Variants in NCKAP5 observed in about 807,000 individuals in gnomAD.
NCKAP5 encodes NCK associated protein 5.
NCKAP5 carries 92 observed loss-of-function variants against 167.0 expected under a neutral mutation model. The observed-to-expected ratio is 0.55, with a 90% CI of 0.47 to 0.66. NCKAP5 has a LOEUF of 0.66. Ranked by LOEUF, NCKAP5 falls within the 30% of genes least tolerant of loss-of-function variation. The pLI, the probability that NCKAP5 is intolerant of heterozygous loss-of-function variation, is 0.00. For missense variants in NCKAP5, 2,378 were observed against 2,315.0 expected, an observed-to-expected ratio of 1.03 and a Z score of -0.56; for synonymous variants, 891 against 877.4, an observed-to-expected ratio of 1.02 and a Z score of -0.27.
intron 3 of NCKAP5, among the ~76,000 whole-genome samples, chr2:133,360,461 A>C (rs1018341944): frequency 6.6e-6 from 1 of 152,198 alleles, no homozygotes; most frequent in South Asian, 2.1e-4. Context: ...ACAGGAACAG[A>C]GATAGCAAGT....
intron 8 of NCKAP5, among the ~76,000 whole-genome samples, chr2:132,962,076 A>C (rs2076529506): frequency 6.6e-6 from 1 of 152,082 alleles, no homozygotes; most frequent in South Asian, 2.1e-4. Context: ...TTTAGTTGAT[A>C]TTTGTTCTGC....
At chr2:133,531,176 G>A (rs1233864026) in intron 2 of NCKAP5, among the ~76,000 whole-genome samples, 1 of 151,466 alleles carries the variant, frequency 6.6e-6, no homozygotes, top group Non-Finnish European at 1.5e-5. Flanking sequence ...GAATGAGGAA[G>A]GAAGGAAGGA....
chr2:133,051,450 T>C (rs1306785640), intron 6 of NCKAP5, among the ~76,000 whole-genome samples: 2 of 152,190 alleles, frequency 1.3e-5, no homozygotes, highest in African/African-American at 2.4e-5. Context: ...TTGAGCAACA[T>C]GAAAGGAACG....
At chr2:133,632,900 T>G in the NCKAP5 span, among the ~76,000 whole-genome samples, 2 of 152,116 alleles carry the variant, frequency 1.3e-5, no homozygotes, top group Non-Finnish European at 2.9e-5. Context: ...TTTCACCCAT[T>G]TAGGTCCCTT....
At chr2:133,296,335 T>C (rs780297701) in intron 4 of NCKAP5, among the ~76,000 whole-genome samples, 16 of 151,028 alleles carry the variant, frequency 1.1e-4, no homozygotes, top group African/African-American at 3.9e-4. Flanking sequence ...CCCCATTCTC[T>C]AACATCCCCA....
At chr2:133,047,896 T>A (rs1452371020) in intron 6 of NCKAP5, among the ~76,000 whole-genome samples, 1 of 152,192 alleles carries the variant, frequency 6.6e-6, no homozygotes, top group African/African-American at 2.4e-5. Context: ...GTTGCATATA[T>A]AAAATGAAGC....
chr2:133,279,603 A>G (rs970809408), intron 4 of NCKAP5, among the ~76,000 whole-genome samples: 2 of 152,224 alleles, frequency 1.3e-5, no homozygotes, highest in South Asian at 2.1e-4. Flanking sequence ...AATTAGATTT[A>G]TTTAATAATT....
chr2:133,297,841 AT>A (rs1680076854), intron 4 of NCKAP5, among the ~76,000 whole-genome samples: 2 of 152,182 alleles, frequency 1.3e-5, no homozygotes, highest in African/African-American at 4.8e-5. Context: ...GCAATGACAA[AT>A]AGCCCACTCC....
At chr2:133,269,037 A>C (rs2089387146) in intron 4 of NCKAP5, 1 of 152,166 alleles carries the variant, frequency 6.6e-6, no homozygotes, top group South Asian at 2.1e-4. Flanking sequence ...CTGCACAAGA[A>C]ATTGGTAAGT....
chr2:132,746,236 C>T (rs572734912), intron 16 of NCKAP5, among the ~76,000 whole-genome samples: 3 of 151,948 alleles, frequency 2.0e-5, no homozygotes, highest in South Asian at 2.1e-4. Context: ...ACAGACATTC[C>T]GGAAATAGAC....
intron 3 of NCKAP5, among the ~76,000 whole-genome samples, chr2:133,389,206 GAA>G (rs1687224993): frequency 6.6e-6 from 1 of 152,220 alleles, no homozygotes; most frequent in South Asian, 2.1e-4. Context: ...ATTTCTGAGG[GAA>G]AGTTGCTTGT....
intron 6 of NCKAP5, among the ~76,000 whole-genome samples, chr2:133,129,068 T>C (rs946664954): frequency 1.3e-5 from 2 of 151,036 alleles, no homozygotes; most frequent in Non-Finnish European, 2.9e-5. Flanking sequence ...CGATGACCAC[T>C]GAAATCTCAT....
chr2:133,362,467 G>A (rs940326943), intron 3 of NCKAP5, among the ~76,000 whole-genome samples: 2 of 152,176 alleles, frequency 1.3e-5, no homozygotes, highest in Non-Finnish European at 2.9e-5. Context: ...TTTGTTTTTA[G>A]AACATGTCAG....
chr2:132,918,219 T>A (rs1695032642), intron 8 of NCKAP5, among the ~76,000 whole-genome samples: 1 of 152,276 alleles, frequency 6.6e-6, no homozygotes, highest in Middle Eastern at 3.4e-3. Flanking sequence ...CTCAGAAGGA[T>A]CTGGTACCAT....
chr2:133,633,292 A>G, the NCKAP5 span, among the ~76,000 whole-genome samples: 2 of 152,166 alleles, frequency 1.3e-5, no homozygotes, highest in Non-Finnish European at 2.9e-5. Flanking sequence ...TCAATCAACT[A>G]TGGTGCTCTC....
chr2:133,485,096 C>T (rs766835077), intron 3 of NCKAP5, among the ~76,000 whole-genome samples: 2 of 152,092 alleles, frequency 1.3e-5, no homozygotes, highest in African/African-American at 4.8e-5. Flanking sequence ...CTTCAATGTG[C>T]CTTAATGAGG....
intron 6 of NCKAP5, among the ~76,000 whole-genome samples, chr2:133,101,894 C>T (rs754188126): frequency 4.5e-4 from 68 of 151,984 alleles, no homozygotes; most frequent in Admixed American, 2.8e-3. Flanking sequence ...AACCTGACTC[C>T]GTCATGTAGC....
intron 4 of NCKAP5, among the ~76,000 whole-genome samples, chr2:133,226,448 A>G (rs1337567102): frequency 1.3e-5 from 2 of 152,090 alleles, no homozygotes; most frequent in Non-Finnish European, 2.9e-5. Context: ...AGTGTCCCCC[A>G]AAAATGCATA....
At chr2:133,047,473 T>A (rs1363232056) in intron 6 of NCKAP5, among the ~76,000 whole-genome samples, 1 of 152,254 alleles carries the variant, frequency 6.6e-6, no homozygotes. Context: ...CATGCTGGAC[T>A]ATGAACTCTC....
Sources: gnomAD v4.1 joint callset for allele counts (sites outside exome capture counted in the v4.1 genomes callset) on GRCh38, gnomAD v4.1.1 for gene constraint, MANE v1.5 for transcripts, NCBI Gene and HGNC (gene_info 2026-07-23, HGNC 2026-07-21) for gene names.